Variants in CSNK1A1L observed in about 807,000 individuals in gnomAD.
CSNK1A1L encodes the protein casein kinase 1 alpha 1 like, also known as casein kinase I isoform alpha-like.
In CSNK1A1L, 20 loss-of-function variants were observed where a neutral mutation model predicts 24.6. That is an observed-to-expected ratio of 0.81 (90% CI 0.57 to 1.18). The LOEUF is 1.18. CSNK1A1L is among the 50% of genes most tolerant of loss of function. The pLI is 0.00. For missense variants in CSNK1A1L, 414 were observed against 419.0 expected, an observed-to-expected ratio of 0.99 and a Z score of 0.10; for synonymous variants, 152 against 154.0, an observed-to-expected ratio of 0.99 and a Z score of 0.09.
rs2070759111 is a variant in CSNK1A1L at position 37,103,490 on chromosome 13, T to C, written c.*753A>G. The C allele has an allele frequency of 6.6e-6, 1 of 152,618 alleles. No individual in the cohort carries two copies. Among genetic ancestry groups the C allele is most frequent in the African/African-American group, 2.4e-5 (1 of 41,460 alleles). 9.5% of individuals were successfully genotyped at this position (152,618 alleles called of 1,614,324 possible). ...AACAAAATCCCAGATCATATGGGTG[T>C]TTACGGTGATTACATTTATCTAAGC... On this transcript the variant is annotated 3_prime_UTR_variant, in exon 1 of 1. Transcript: ENST00000379800.
At position 37,105,551 on chromosome 13, in the gene CSNK1A1L, A is replaced by G; in HGVS notation, c.-295T>C. 2.7e-6 allele frequency: 1 copy of G among 368,544 alleles called. No homozygotes were observed. The highest frequency in any genetic ancestry group is 5.1e-6 in the Non-Finnish European group (1 of 195,584). 22.8% of individuals were successfully genotyped at this position (368,544 alleles called of 1,614,324 possible). On this transcript the variant is annotated 5_prime_UTR_variant, in exon 1 of 1. Coordinates refer to ENST00000379800, the MANE Select transcript of CSNK1A1L (RefSeq NM_145203.6). The stretch of plus-strand genomic sequence containing the variant: ...GATGTCGTGGGCTGAGAAAGGGGGC[A>G]CAGCGAGTTGGGGCAGCAGTACTGC...
In CSNK1A1L at chr13:37,104,524, C is replaced by T. The variant is rs2070764551; in HGVS notation, c.733G>A (p.Val245Ile). ...GGAAACCCCTTACATAAAACTTCAACAGGGGTGGACATCTTCTTCTCACTA... is the reference window on the plus strand; with the variant it reads ...GGAAACCCCTTACATAAAACTTCAATAGGGGTGGACATCTTCTTCTCACTA... ...KISEKKMSTP[V>I]EVLCKGFPAE... The change falls in exon 1 of 1, where the codon GTT becomes ATT. Residue 245 changes from valine (V) to isoleucine (I), a missense_variant. Coordinates refer to ENST00000379800, the MANE Select transcript of CSNK1A1L (RefSeq NM_145203.6). The T allele has an allele frequency of 2.1e-5, 34 of 1,614,214 alleles. No homozygotes were observed. The highest frequency in any genetic ancestry group is 2.9e-5 in the Non-Finnish European group (34 of 1,180,048).
Position 37,105,639 on chromosome 13 carries a change from G to A in CSNK1A1L, c.-383C>T, listed in dbSNP as rs9576178. 0.52 allele frequency: 104,019 copies of A among 201,098 alleles called. 27,559 individuals are homozygous for A. The highest frequency in any genetic ancestry group is 0.81 in the East Asian group (5,504 of 6,790). 12.5% of individuals were successfully genotyped at this position (201,098 alleles called of 1,614,324 possible). Reference sequence around the variant, plus strand: ...GTCACGCCGCCGGCGCCGCCATTTTGTTCCTCCACCTCAGCCAACCACAAA... The same window carrying A: ...GTCACGCCGCCGGCGCCGCCATTTTATTCCTCCACCTCAGCCAACCACAAA... On this transcript the variant is annotated 5_prime_UTR_variant, in exon 1 of 1. Coordinates refer to ENST00000379800, the MANE Select transcript of CSNK1A1L (RefSeq NM_145203.6).
At position 37,104,481 on chromosome 13, in the gene CSNK1A1L, T is replaced by C. The variant is rs148557143; in HGVS notation, c.776A>G (p.Tyr259Cys). 3 of 1,614,090 alleles carry C rather than the reference T, an allele frequency of 1.9e-6. No individual in the cohort carries two copies. The highest frequency in any genetic ancestry group is 1.1e-5 in the South Asian group (1 of 91,092). Residue 259 changes from tyrosine (Y) to cysteine (C), a missense_variant, in exon 1 of 1, where the codon TAC becomes TGC. Coordinates refer to ENST00000379800, the MANE Select transcript of CSNK1A1L (RefSeq NM_145203.6). Reference sequence around the variant, plus strand: ...GCGCAGCCCACGACAGTAGTTCAAGTACATGGCGAATTCTGCAGGAAACCC... The same window carrying C: ...GCGCAGCCCACGACAGTAGTTCAAGCACATGGCGAATTCTGCAGGAAACCC... Reference protein sequence around the residue: ...CKGFPAEFAMYLNYCRGLRFE... With the variant: ...CKGFPAEFAMCLNYCRGLRFE...
At position 37,105,045 on chromosome 13, in the gene CSNK1A1L, A is replaced by T; in HGVS notation, c.212T>A (p.Val71Asp). Residue 71 changes from valine (V) to aspartate (D), a missense_variant, in exon 1 of 1, where the codon GTT becomes GAT. By Grantham distance (152) the Val-to-Asp change is radical. Transcript: ENST00000379800. ...ATACCAGTGCATGTGGGGGATGCCA[A>T]CCCCACCTTGAAGAATCGTGTAGAG... ...SKLYTILQGG[V>D]GIPHMHWYGQ... The T allele has an allele frequency of 1.9e-6, 3 of 1,613,766 alleles. No individual in the cohort carries two copies. The highest frequency in any genetic ancestry group is 2.5e-6 in the Non-Finnish European group (3 of 1,179,928).
At position 37,105,229 on chromosome 13, in the gene CSNK1A1L, C is replaced by G. The variant is rs1481438221; in HGVS notation, c.28G>C (p.Glu10Gln). The G allele has an allele frequency of 6.2e-7, 1 of 1,614,002 alleles. No homozygotes were observed. The highest frequency in any genetic ancestry group is 1.1e-5 in the South Asian group (1 of 91,062). MTNNSGSKA[E>Q]LVVGGKYKLV... ...TTGTATTTCCCTCCCACAACGAGTT[C>G]GGCTTTGGAGCCGCTGTTGTTTGTC... The change falls in exon 1 of 1, where the codon GAA becomes CAA. Residue 10 changes from glutamate (E) to glutamine (Q), a missense_variant. By Grantham distance (29) the Glu-to-Gln change is conservative (BLOSUM62 2). Coordinates refer to ENST00000379800, the MANE Select transcript of CSNK1A1L (RefSeq NM_145203.6).
At position 37,104,989 on chromosome 13, in the gene CSNK1A1L, T is replaced by C; in HGVS notation, c.268A>G (p.Met90Val). The C allele has an allele frequency of 1.2e-6, 2 of 1,614,134 alleles. No homozygotes were observed. Among genetic ancestry groups the C allele is most frequent in the Non-Finnish European group, 1.7e-6 (2 of 1,180,020 alleles). Residue 90 changes from methionine to valine, a missense_variant, in exon 1 of 1, where the codon ATG (methionine) becomes GTG (valine). Coordinates refer to ENST00000379800, the MANE Select transcript of CSNK1A1L (RefSeq NM_145203.6). ...TCGAGGCTGGGTCCCAGAAGGTCCA[T>C]GACTAGCACATTGTTGTCTTTTTCC... is the stretch of plus-strand genomic sequence containing the variant. ...GQEKDNNVLV[M>V]DLLGPSLEDL...
At position 37,105,381 on chromosome 13, in the gene CSNK1A1L, TC is replaced by T. The variant is rs530700276; in HGVS notation, c.-126del. ...TGCTGGAAATGGCCACCGAGGCGTTTCCCGGTGTTACAGGGCGTGGAGTCAG... is the reference window on the plus strand; with the variant it reads ...TGCTGGAAATGGCCACCGAGGCGTTTCCGGTGTTACAGGGCGTGGAGTCAG... On this transcript the variant is annotated 5_prime_UTR_variant, in exon 1 of 1. Coordinates refer to ENST00000379800, the MANE Select transcript of CSNK1A1L (RefSeq NM_145203.6). 8.5e-5 allele frequency: 90 copies of T among 1,062,570 alleles called. 1 individual carries two copies. The South Asian group carries it at 1.3e-3, about 15-fold the overall frequency. 65.8% of individuals were successfully genotyped at this position (1,062,570 alleles called of 1,614,324 possible). A position where few individuals can be genotyped will look rare whatever the true frequency, so the allele number is the denominator to read the frequency against.
rs1205167605 is a variant in CSNK1A1L, at chr13:37,103,525, A to G, written c.*718T>C. 3 of 152,988 alleles carry G rather than the reference A, an allele frequency of 2.0e-5. No individual in the cohort carries two copies. The highest frequency in any genetic ancestry group is 4.4e-5 in the Non-Finnish European group (3 of 68,356). 9.5% of individuals were successfully genotyped at this position (152,988 alleles called of 1,614,324 possible). A position where few individuals can be genotyped will look rare whatever the true frequency, so the allele number is the denominator to read the frequency against. The stretch of plus-strand genomic sequence containing the variant: ...TTACATTTATCTAAGCCATGTACAT[A>G]CATGTTCAGTTGTAAGATGTTAACT... On this transcript the variant is annotated 3_prime_UTR_variant, in exon 1 of 1. Transcript: ENST00000379800.
rs186355010 is a variant in CSNK1A1L, at chr13:37,104,280, T to G, written c.977A>C (p.Gln326Pro). The change falls in exon 1 of 1, where the codon CAA (glutamine) becomes CCA (proline). Residue 326 changes from glutamine (Q) to proline (P), a missense_variant. By Grantham distance (76) the Gln-to-Pro change is moderately conservative (BLOSUM62 -1). Transcript: ENST00000379800. ...CACATTATTCTTGTTTTTTTCAGTTTGCTTGCCTGTCTGGGTTTGGGCCTG... is the reference window on the plus strand; with the variant it reads ...CACATTATTCTTGTTTTTTTCAGTTGGCTTGCCTGTCTGGGTTTGGGCCTG... ...GQQAQTQTGK[Q>P]TEKNKNNVKD... The G allele has an allele frequency of 1.9e-6, 3 of 1,614,234 alleles. No homozygotes were observed. Among genetic ancestry groups the G allele is most frequent in the Middle Eastern group, 1.6e-4 (1 of 6,062 alleles).
chr13:37,103,920 A>G lies in CSNK1A1L; in HGVS notation c.*323T>C. On this transcript the variant is annotated 3_prime_UTR_variant, in exon 1 of 1. Transcript: ENST00000379800. ...TTCAAAATAAAAGGTTTTAACAAAAAATTGGCATATGGACAATGTCTCCAC... is the reference window on the plus strand; with the variant it reads ...TTCAAAATAAAAGGTTTTAACAAAAGATTGGCATATGGACAATGTCTCCAC... The G allele has an allele frequency of 2.6e-6, 1 of 387,980 alleles. No individual in the cohort carries two copies. The highest frequency in any genetic ancestry group is 2.8e-5 in the South Asian group (1 of 36,006). The allele number at this position is 387,980 out of a possible 1,614,324, so 24.0% of individuals were successfully genotyped here.
rs753598373 is a variant in CSNK1A1L, at chr13:37,105,099, T to G, written c.158A>C (p.Lys53Thr). ...GCTCTCATACAGCAACTGGGGGTGC[T>G]TGACCTTCTGAGATTCCAGCTTCAC... is the stretch of plus-strand genomic sequence containing the variant. ...VAVKLESQKVKHPQLLYESKL... is the reference protein window; with the variant it reads ...VAVKLESQKVTHPQLLYESKL... Residue 53 changes from lysine (K) to threonine (T), a missense_variant, in exon 1 of 1, where the codon AAG becomes ACG. By Grantham distance (78) the Lys-to-Thr change is moderately conservative. Coordinates refer to ENST00000379800, the MANE Select transcript of CSNK1A1L (RefSeq NM_145203.6). The G allele has an allele frequency of 2.9e-5, 47 of 1,614,068 alleles. No individual in the cohort carries two copies. Among genetic ancestry groups the G allele is most frequent in the Non-Finnish European group, 3.6e-5 (42 of 1,180,032 alleles).
Position 37,105,584 on chromosome 13 carries a change from G to C in CSNK1A1L, c.-328C>G. 3.8e-6 allele frequency: 1 copy of C among 265,628 alleles called. No homozygotes were observed. Among genetic ancestry groups the C allele is most frequent in the Non-Finnish European group, 7.5e-6 (1 of 133,116 alleles). 16.5% of individuals were successfully genotyped at this position (265,628 alleles called of 1,614,324 possible). Reference sequence around the variant, plus strand: ...TTGGGGCAGCAGTACTGCTGCCACCGCTACCAACGGCTGTGGGCCAGAGGG... The same window carrying C: ...TTGGGGCAGCAGTACTGCTGCCACCCCTACCAACGGCTGTGGGCCAGAGGG... On this transcript the variant is annotated 5_prime_UTR_variant, in exon 1 of 1. Coordinates refer to ENST00000379800, the MANE Select transcript of CSNK1A1L (RefSeq NM_145203.6).
chr13:37,105,407 G>A lies in CSNK1A1L; in HGVS notation c.-151C>T. 1.3e-6 allele frequency: 1 copy of A among 754,526 alleles called. No individual in the cohort carries two copies. Among genetic ancestry groups the A allele is most frequent in the South Asian group, 1.8e-5 (1 of 54,694 alleles). 46.7% of individuals were successfully genotyped at this position (754,526 alleles called of 1,614,324 possible). ...CCCGGTGTTACAGGGCGTGGAGTCA[G>A]CCTGATCCCTGCAGCACACCAGGAT... On this transcript the variant is annotated 5_prime_UTR_variant, in exon 1 of 1. Transcript: ENST00000379800.
chr13:37,104,117 T>A lies in CSNK1A1L; in HGVS notation c.*126A>T. The A allele has an allele frequency of 7.8e-7, 1 of 1,275,914 alleles. No homozygotes were observed. Among genetic ancestry groups the A allele is most frequent in the South Asian group, 1.4e-5 (1 of 71,338 alleles). The allele number at this position is 1,275,914 out of a possible 1,614,324, so 79.0% of individuals were successfully genotyped here. On this transcript the variant is annotated 3_prime_UTR_variant, in exon 1 of 1. Transcript: ENST00000379800. ...TCAGTTTATATTGAAATAAAGTTTT[T>A]TACACCAACTAAATGGTTGTTCACA... is the stretch of plus-strand genomic sequence containing the variant.
Position 37,104,161 on chromosome 13 carries a change from T to C in CSNK1A1L, c.*82A>G. On this transcript the variant is annotated 3_prime_UTR_variant, in exon 1 of 1. Transcript: ENST00000379800. ...GTTCACAGCCACTAGCTGGTGTACA[T>C]ATGAACTACAATTTCTAGATGTGGG... 1.3e-6 allele frequency: 2 copies of C among 1,572,774 alleles called. No homozygotes were observed. The highest frequency in any genetic ancestry group is 1.7e-6 in the Non-Finnish European group (2 of 1,146,114).
rs370679467 is a variant in CSNK1A1L at position 37,104,163 on chromosome 13, T to C, written c.*80A>G. 126 of 1,580,150 alleles carry C rather than the reference T, an allele frequency of 8.0e-5. No individual in the cohort carries two copies. In the South Asian group the frequency reaches 1.0e-3, roughly 13 times the overall value. ...TCACAGCCACTAGCTGGTGTACATA[T>C]GAACTACAATTTCTAGATGTGGGGA... On this transcript the variant is annotated 3_prime_UTR_variant, in exon 1 of 1. Coordinates refer to ENST00000379800, the MANE Select transcript of CSNK1A1L (RefSeq NM_145203.6).
chr13:37,104,095 G>C lies in CSNK1A1L; in HGVS notation c.*148C>G, dbSNP rs2070761825. 1.0e-6 allele frequency: 1 copy of C among 981,802 alleles called. No individual in the cohort carries two copies. The highest frequency in any genetic ancestry group is 2.6e-5 in the East Asian group (1 of 38,898). 60.8% of individuals were successfully genotyped at this position (981,802 alleles called of 1,614,324 possible). On this transcript the variant is annotated 3_prime_UTR_variant, in exon 1 of 1. Transcript: ENST00000379800. ...GCATCACCAACGCTCCCCAGAGTCAGTTTATATTGAAATAAAGTTTTTTAC... is the reference window on the plus strand; with the variant it reads ...GCATCACCAACGCTCCCCAGAGTCACTTTATATTGAAATAAAGTTTTTTAC...
chr13:37,104,593 G>A, the CSNK1A1L span: 1 of 1,613,820 alleles, frequency 6.2e-7, no homozygotes, highest in Non-Finnish European at 8.5e-7. Context: ...CTTAGTCCTT[G>A]CCACGGCAGG....
Sources: allele counts gnomAD v4.1 joint callset, GRCh38; gene constraint gnomAD v4.1.1; transcripts MANE v1.5; gene names NCBI Gene and HGNC (gene_info 2026-07-23, HGNC 2026-07-21).